The following STAG1 variants were observed in gnomAD, a reference collection of about 807,000 sequenced individuals.
STAG1 encodes STAG1 cohesin complex component.
Under a neutral mutation model 170.9 loss-of-function variants are expected in STAG1, and 26 were observed. The ratio of observed to expected loss-of-function variants is 0.15; its 90% CI spans 0.11 to 0.21. STAG1 has a LOEUF of 0.21. Among genes scored for constraint, STAG1 ranks in the 10% least tolerant of loss-of-function variants. The pLI is 1.00. For synonymous variants in STAG1, 514 were observed against 497.7 expected (o/e 1.03, Z -0.44); for missense variants, 964 against 1,509.5 (o/e 0.64, Z 5.99).
At chr3:136,490,115 A>G (rs964829570) in intron 9 of STAG1, among the ~76,000 whole-genome samples, 2 of 151,598 alleles carry the variant, frequency 1.3e-5, no homozygotes, top group African/African-American at 2.4e-5. Flanking sequence ...ATCTTGGCTC[A>G]CTGCAACCTC....
chr3:136,700,882 T>TC lies in STAG1; in HGVS notation c.-84+51312_-84+51313insG, dbSNP rs559592383. On this transcript the variant is annotated intron_variant, in intron 1 of 33. Coordinates refer to ENST00000383202, the MANE Select transcript of STAG1 (RefSeq NM_005862.3). Reference sequence around the variant, plus strand: ...TGTGTGCTCTATTTTTTTTCTTTTTTTTTTTTTTTTTTTTTTTGAGATGGA... The same window carrying TC: ...TGTGTGCTCTATTTTTTTTCTTTTTTCTTTTTTTTTTTTTTTTTGAGATGGA... Among the ~76,000 whole-genome samples, 1,195 of 134,386 alleles carry TC rather than the reference T, an allele frequency of 8.9e-3. 4 individuals are homozygous for TC. The highest frequency in any genetic ancestry group is 0.014 in the South Asian group (53 of 3,868). 88.2% of individuals were successfully genotyped at this position (134,386 alleles called of 152,430 possible). A position where few individuals can be genotyped will look rare whatever the true frequency, so the allele number is the denominator to read the frequency against.
intron 5 of STAG1, among the ~76,000 whole-genome samples, chr3:136,566,507 G>C (rs1937081631): frequency 6.6e-6 from 1 of 152,154 alleles, no homozygotes; most frequent in Non-Finnish European, 1.5e-5. Flanking sequence ...AAATGCTACT[G>C]AATTGGTACA....
chr3:136,685,240 C>T (rs552069622), intron 1 of STAG1, among the ~76,000 whole-genome samples: 15 of 152,196 alleles, frequency 9.9e-5, no homozygotes, highest in South Asian at 8.3e-4. Context: ...TGCTTGAACC[C>T]GGGAGGCAGA....
intron 1 of STAG1, among the ~76,000 whole-genome samples, chr3:136,640,686 T>C (rs2107846120): frequency 6.7e-6 from 1 of 148,550 alleles, no homozygotes; most frequent in South Asian, 2.1e-4. Flanking sequence ...TTGTTTTTTT[T>C]TTTTTTAGAC....
intron 1 of STAG1, among the ~76,000 whole-genome samples, chr3:136,693,818 C>T (rs570230160): frequency 6.6e-6 from 1 of 152,182 alleles, no homozygotes; most frequent in Admixed American, 6.5e-5. Flanking sequence ...ATTGATCCTC[C>T]CACCTCAGGC....
chr3:136,619,155 G>A (rs973558598), intron 3 of STAG1, among the ~76,000 whole-genome samples: 1 of 151,744 alleles, frequency 6.6e-6, no homozygotes, highest in Non-Finnish European at 1.5e-5. Flanking sequence ...AGAATTCTTA[G>A]AATCCTTCTG....
intron 4 of STAG1, among the ~76,000 whole-genome samples, chr3:136,574,632 GC>G (rs1347430892): frequency 2.0e-5 from 3 of 152,120 alleles, no homozygotes; most frequent in Non-Finnish European, 4.4e-5. Context: ...TCATTAGGAA[GC>G]TATAACAACA....
At chr3:136,340,913 G>A (rs1328592516) in intron 31 of STAG1, among the ~76,000 whole-genome samples, 1 of 152,092 alleles carries the variant, frequency 6.6e-6, no homozygotes, top group Non-Finnish European at 1.5e-5. Context: ...GGAACCTGAA[G>A]CACAGATTTT....
At chr3:136,509,798 T>C (rs150091979) in intron 7 of STAG1, among the ~76,000 whole-genome samples, 1 of 152,316 alleles carries the variant, frequency 6.6e-6, no homozygotes, top group East Asian at 1.9e-4. Flanking sequence ...TGCATTTCTG[T>C]CTTGCTAAAC....
chr3:136,542,131 TTCAG>T lies in STAG1; in HGVS notation c.455_458del (p.Thr152LysfsTer33). ...TGGAATGCTATACCTCATCAAATTC[TTCAG>T]TCATTTTTCTGATGATTTCTGCATT... On this transcript the variant is annotated frameshift_variant, in exon 6 of 34. Transcript: ENST00000383202. LOFTEE classifies it high-confidence loss of function. 1 of 1,609,802 alleles carries T rather than the reference TTCAG, an allele frequency of 6.2e-7. No homozygotes were observed. Among genetic ancestry groups the T allele is most frequent in the Non-Finnish European group, 8.5e-7 (1 of 1,178,794 alleles).
intron 4 of STAG1, among the ~76,000 whole-genome samples, chr3:136,596,704 T>G (rs1178583725): frequency 6.6e-6 from 1 of 152,252 alleles, no homozygotes; most frequent in Non-Finnish European, 1.5e-5. Context: ...CAATTTGCAT[T>G]GGACCTTTAA....
chr3:136,697,207 A>C (rs1452884012), intron 1 of STAG1, among the ~76,000 whole-genome samples: 1 of 152,176 alleles, frequency 6.6e-6, no homozygotes, highest in Non-Finnish European at 1.5e-5. Flanking sequence ...TTACCTTGAA[A>C]TCTATTACAC....
intron 1 of STAG1, among the ~76,000 whole-genome samples, chr3:136,647,153 T>C (rs1293918302): frequency 6.6e-6 from 1 of 152,194 alleles, no homozygotes; most frequent in East Asian, 1.9e-4. Context: ...ATACCATGCA[T>C]AAATAATTGT....
chr3:136,744,499 A>C (rs1036683123), intron 1 of STAG1, among the ~76,000 whole-genome samples: 1 of 152,138 alleles, frequency 6.6e-6, no homozygotes, highest in African/African-American at 2.4e-5. Flanking sequence ...CTACATTCTC[A>C]CCAATACTTG....
chr3:136,343,723 T>A, intron 30 of STAG1, 109 bp downstream of exon 30: 1 of 783,516 alleles, frequency 1.3e-6, no homozygotes, highest in Non-Finnish European at 1.9e-6. Context: ...GTTTGTGGCT[T>A]ATCATGAACT....
chr3:136,608,574 G>C (rs1382973737), intron 3 of STAG1, among the ~76,000 whole-genome samples: 2 of 144,742 alleles, frequency 1.4e-5, no homozygotes, highest in East Asian at 4.0e-4. Context: ...CAGCACAGGG[G>C]TAGACAAGGT....
chr3:136,437,212 A>T (rs1470077308), intron 15 of STAG1, among the ~76,000 whole-genome samples: 1 of 152,232 alleles, frequency 6.6e-6, no homozygotes, highest in East Asian at 1.9e-4. Context: ...AGTAGTGTTG[A>T]AGCTTAACTC....
chr3:136,359,127 C>G, intron 27 of STAG1, 21 bp downstream of exon 27: 1 of 1,574,068 alleles, frequency 6.4e-7, no homozygotes, highest in East Asian at 2.3e-5. Context: ...TTCTGCATAA[C>G]AAAGTGTTTA....
In STAG1 at chr3:136,707,583, T is replaced by C. The variant is rs1165662262; in HGVS notation, c.-84+44612A>G. Among the ~76,000 whole-genome samples, 4 of 152,262 alleles carry C rather than the reference T, an allele frequency of 2.6e-5. No individual in the cohort carries two copies. In the East Asian group the frequency reaches 7.7e-4, roughly 29 times the overall value. On this transcript the variant is annotated intron_variant, in intron 1 of 33. Transcript: ENST00000383202. ...TAATTTATAATGAAAAGAAGTTTCA[T>C]GGTTCTGCAGCCTGAGAAGTTCAAG...
Sources: allele counts gnomAD v4.1 joint callset (sites outside exome capture counted in the v4.1 genomes callset), GRCh38; gene constraint gnomAD v4.1.1; transcripts MANE v1.5; gene names NCBI Gene and HGNC (gene_info 2026-07-23, HGNC 2026-07-21).